BICRAL: variants seen among roughly 807,000 people sequenced by gnomAD.
BICRAL encodes BICRA like chromatin remodeling complex associated protein, also known as BRD4-interacting chromatin-remodeling complex-associated protein-like.
Under a neutral mutation model 91.8 loss-of-function variants are expected in BICRAL, and 8 were observed. The observed-to-expected ratio is 0.09, with a 90% CI of 0.05 to 0.16. The LOEUF (loss-of-function observed/expected upper bound fraction) is 0.16, where lower values mean the gene tolerates loss of function less well. Among genes scored for constraint, BICRAL ranks in the 10% least tolerant of loss-of-function variants. The pLI, the probability that BICRAL is intolerant of heterozygous loss-of-function variation, is 1.00. For missense variants in BICRAL, 1,038 were observed against 1,310.9 expected, an observed-to-expected ratio of 0.79 and a Z score of 3.21; for synonymous variants, 445 against 491.1, an observed-to-expected ratio of 0.91 and a Z score of 1.24.
intron 10 of BICRAL, among the ~76,000 whole-genome samples, chr6:42,860,033 G>T (rs1348408829): frequency 6.6e-6 from 1 of 152,150 alleles, no homozygotes; most frequent in African/African-American, 2.4e-5. Flanking sequence ...CCTAGTTAAA[G>T]TTAAAAGAGT....
At chr6:42,779,271 C>T (rs1362420225), upstream of BICRAL, among the ~76,000 whole-genome samples, 2 of 132,542 alleles carry the variant, frequency 1.5e-5, no homozygotes, top group South Asian at 2.4e-4. Context: ...CACACACACA[C>T]ACATATCATT....
intron 6 of BICRAL, among the ~76,000 whole-genome samples, chr6:42,845,195 G>GGTTTTTTTTTTTTTTTTTTTTTTTTTT: frequency 3.9e-5 from 1 of 25,568 alleles, no homozygotes; most frequent in Non-Finnish European, 8.5e-5. Flanking sequence ...TTTTTTGGGT[G>GGTTTTTTTTTTTTTTTTTTTTTTTTTT]TTTTTTTTTT....
At chr6:42,842,475 T>G (rs1764828956) in intron 6 of BICRAL, among the ~76,000 whole-genome samples, 1 of 152,204 alleles carries the variant, frequency 6.6e-6, no homozygotes, top group Non-Finnish European at 1.5e-5. Context: ...GTCAGGGTTC[T>G]CTAGTCAGAA....
At chr6:42,792,434 A>ATT (rs534995773) in intron 1 of BICRAL, among the ~76,000 whole-genome samples, 13,215 of 144,066 alleles carry the variant, frequency 0.092, 1,079 homozygotes, top group African/African-American at 0.21. Flanking sequence ...TGCCCAGCTA[A>ATT]TTTTTTTTTT....
At chr6:42,758,746 G>T (rs1762498851) in intron 1 of BICRAL, among the ~76,000 whole-genome samples, 1 of 152,000 alleles carries the variant, frequency 6.6e-6, no homozygotes. Context: ...GAATTGAGTG[G>T]CATCTATCCA....
chr6:42,750,601 C>T (rs1762362337), intron 1 of BICRAL, among the ~76,000 whole-genome samples: 1 of 152,094 alleles, frequency 6.6e-6, no homozygotes, highest in South Asian at 2.1e-4. Flanking sequence ...CTCAAGACGA[C>T]GTCTTGCTCT....
intron 1 of BICRAL, among the ~76,000 whole-genome samples, chr6:42,752,206 C>A (rs573033956): frequency 2.6e-5 from 4 of 152,192 alleles, no homozygotes; most frequent in Non-Finnish European, 5.9e-5. Flanking sequence ...GCCTTTGCCC[C>A]TGGCGCTCTC....
chr6:42,773,460 C>T (rs145598535), intron 1 of BICRAL, among the ~76,000 whole-genome samples: 104 of 152,236 alleles, frequency 6.8e-4, no homozygotes, highest in African/African-American at 2.3e-3. Context: ...TCAAGCAGTT[C>T]TCTAGCCTAG....
At chr6:42,759,928 G>A (rs572922668) in intron 1 of BICRAL, among the ~76,000 whole-genome samples, 15 of 152,220 alleles carry the variant, frequency 9.9e-5, no homozygotes, top group Admixed American at 7.2e-4. Flanking sequence ...GACACAGGAG[G>A]TACACAGTAA....
rs530011008 is a variant in BICRAL, at chr6:42,771,462, A to G, written c.-260-10377A>G. On this transcript the variant is annotated intron_variant, in intron 1 of 14. Transcript: ENST00000614467. Reference sequence around the variant, plus strand: ...AGGCTGCGCAGATAGAAAGGCCTCTATATCTGCATCCCCACCCCTGTGGGG... The same window carrying G: ...AGGCTGCGCAGATAGAAAGGCCTCTGTATCTGCATCCCCACCCCTGTGGGG... Among the ~76,000 whole-genome samples the G allele has an allele frequency of 2.1e-4, 25 of 119,806 alleles. No homozygotes were observed. In the East Asian group the frequency reaches 5.4e-3, roughly 26 times the overall value. The allele number at this position is 119,806 out of a possible 152,430, so 78.6% of individuals were successfully genotyped here. A position where few individuals can be genotyped will look rare whatever the true frequency, so the allele number is the denominator to read the frequency against.
At chr6:42,856,366 CTTTTTTTTTTTTT>C (rs556976712) in intron 9 of BICRAL, among the ~76,000 whole-genome samples, 1 of 68,104 alleles carries the variant, frequency 1.5e-5, no homozygotes, top group African/African-American at 8.2e-5. Flanking sequence ...CTTTCTTTTC[CTTTTTTTTTTTTT>C]TTTTTTTTTT....
intron 6 of BICRAL, among the ~76,000 whole-genome samples, chr6:42,849,600 C>T (rs1443727190): frequency 2.0e-5 from 3 of 151,944 alleles, no homozygotes; most frequent in Non-Finnish European, 4.4e-5. Flanking sequence ...CCACCACGCC[C>T]AGCTAATTTT....
chr6:42,825,522 G>A (rs930348247), intron 5 of BICRAL, among the ~76,000 whole-genome samples: 5 of 151,080 alleles, frequency 3.3e-5, no homozygotes, highest in East Asian at 1.9e-4. Flanking sequence ...CTGAGATTGC[G>A]CCACTGCACT....
At chr6:42,792,895 G>A (rs974974079) in intron 1 of BICRAL, among the ~76,000 whole-genome samples, 18 of 150,968 alleles carry the variant, frequency 1.2e-4, no homozygotes, top group Admixed American at 9.3e-4. Context: ...ACTGGGCGAC[G>A]AGAGTGAAAC....
chr6:42,804,077 C>T (rs973389568), intron 1 of BICRAL, among the ~76,000 whole-genome samples: 1 of 152,202 alleles, frequency 6.6e-6, no homozygotes, highest in Non-Finnish European at 1.5e-5. Context: ...GGCTGGAGTG[C>T]AATGGCATGA....
chr6:42,814,064 G>A (rs922358830), intron 2 of BICRAL, among the ~76,000 whole-genome samples: 9 of 151,900 alleles, frequency 5.9e-5, no homozygotes, highest in African/African-American at 1.2e-4. Flanking sequence ...CAACTATTCC[G>A]TAGTTCATGT....
chr6:42,762,480 TTACAGATAAGGGCA>T (rs1231279479), intron 1 of BICRAL, among the ~76,000 whole-genome samples: 1 of 152,232 alleles, frequency 6.6e-6, no homozygotes, highest in Non-Finnish European at 1.5e-5. Flanking sequence ...TTATCTCACT[TTACAGATAAGGGCA>T]TGTAAAACAC....
intron 1 of BICRAL, among the ~76,000 whole-genome samples, chr6:42,762,220 A>G (rs915568696): frequency 6.6e-6 from 1 of 152,180 alleles, no homozygotes; most frequent in African/African-American, 2.4e-5. Flanking sequence ...GTTGGGCAGA[A>G]TTTACATGTA....
intron 2 of BICRAL, among the ~76,000 whole-genome samples, chr6:42,816,195 CA>C (rs1200144350): frequency 2.2e-5 from 3 of 134,550 alleles, no homozygotes; most frequent in Non-Finnish European, 3.2e-5. Flanking sequence ...TCGTCTCTAC[CA>C]AAAAAAAATG....
Sources: gnomAD v4.1 joint callset for allele counts (sites outside exome capture counted in the v4.1 genomes callset) on GRCh38, gnomAD v4.1.1 for gene constraint, MANE v1.5 for transcripts, NCBI Gene and HGNC (gene_info 2026-07-23, HGNC 2026-07-21) for gene names.